Variants in CFAP54 observed in about 807,000 individuals in gnomAD.
The protein encoded by CFAP54 is cilia- and flagella-associated protein 54.
Under a neutral mutation model 370.4 loss-of-function variants are expected in CFAP54, and 290 were observed. That is an observed-to-expected ratio of 0.78 (90% CI 0.71 to 0.86). The LOEUF (loss-of-function observed/expected upper bound fraction) is 0.86, where lower values mean the gene tolerates loss of function less well. Among genes scored for constraint, CFAP54 ranks in the 40% least tolerant of loss-of-function variants. The probability of loss-of-function intolerance (pLI) is 0.00; values close to 1 mark genes in which losing one functional copy is unlikely to be tolerated. For synonymous variants in CFAP54, 1,206 were observed against 1,236.5 expected (o/e 0.98, Z 0.52); for missense variants, 3,399 against 3,528.7 (o/e 0.96, Z 0.93).
chr12:96,825,765 A>ATATATATTACATATTATGTAACATAG (rs1451057204), intron 65 of CFAP54, among the ~76,000 whole-genome samples: 7 of 128,088 alleles, frequency 5.5e-5, no homozygotes, highest in Non-Finnish European at 9.2e-5. Flanking sequence ...ATGTATCATG[A>ATATATATTACATATTATGTAACATAG]TATATATTAC....
At chr12:96,747,717 T>G (rs1042218791) in intron 55 of CFAP54, among the ~76,000 whole-genome samples, 1 of 152,166 alleles carries the variant, frequency 6.6e-6, no homozygotes, top group African/African-American at 2.4e-5. Context: ...TTGTCTGATC[T>G]TAGAAGTTAT....
chr12:96,684,413 G>C (rs1045058680), intron 40 of CFAP54, among the ~76,000 whole-genome samples: 4 of 152,032 alleles, frequency 2.6e-5, no homozygotes, highest in African/African-American at 7.3e-5. Context: ...TTATTCCCAT[G>C]ATGCCCCATT....
intron 4 of CFAP54, among the ~76,000 whole-genome samples, chr12:96,509,178 A>G (rs1955139370): frequency 6.6e-6 from 1 of 152,154 alleles, no homozygotes. Flanking sequence ...TGACGAGGCT[A>G]TGGAGAAAAG....
At chr12:96,736,557 A>G (rs1282238244) in intron 50 of CFAP54, among the ~76,000 whole-genome samples, 1 of 152,264 alleles carries the variant, frequency 6.6e-6, no homozygotes, top group Non-Finnish European at 1.5e-5. Context: ...TGCTTTTCTT[A>G]GAACAGAAGA....
At chr12:96,578,536 G>T (rs1389783431) in intron 20 of CFAP54, among the ~76,000 whole-genome samples, 1 of 152,098 alleles carries the variant, frequency 6.6e-6, no homozygotes, top group Non-Finnish European at 1.5e-5. Flanking sequence ...TATTCTGTAT[G>T]TACTTTAATT....
chr12:96,772,320 G>T lies in CFAP54; in HGVS notation c.8281+7102G>T, dbSNP rs11108692. On this transcript the variant is annotated intron_variant, in intron 60 of 67. Transcript: ENST00000524981. ...TAGGTCTTATTGGGCTAATTCAGGT[G>T]TCACCAGGGATACATTATTCTAAAA... Among the ~76,000 whole-genome samples, 18 of 152,240 alleles carry T rather than the reference G, an allele frequency of 1.2e-4. No individual in the cohort carries two copies. In the East Asian group the frequency reaches 2.9e-3, roughly 25 times the overall value.
intron 36 of CFAP54, among the ~76,000 whole-genome samples, chr12:96,655,801 G>A (rs1360136370): frequency 4.6e-5 from 7 of 151,812 alleles, no homozygotes; most frequent in African/African-American, 1.7e-4. Flanking sequence ...AATCTGTAAG[G>A]CAATAAGGGA....
At chr12:96,779,181 A>G (rs1958557020) in intron 60 of CFAP54, among the ~76,000 whole-genome samples, 1 of 151,930 alleles carries the variant, frequency 6.6e-6, no homozygotes, top group Non-Finnish European at 1.5e-5. Context: ...ACACCCATGT[A>G]ACCACCACTA....
intron 47 of CFAP54, 43 bp from the exon 48 acceptor site, chr12:96,708,564 AG>A (rs1422757585): frequency 1.5e-5 from 23 of 1,498,110 alleles, no homozygotes; most frequent in Non-Finnish European, 1.9e-5. Flanking sequence ...TATCTGAAAA[AG>A]TATTTTTCTA....
At chr12:96,858,146 T>G (rs1592815588) in intron 66 of CFAP54, among the ~76,000 whole-genome samples, 1 of 152,242 alleles carries the variant, frequency 6.6e-6, no homozygotes, top group East Asian at 1.9e-4. Context: ...TGTTCCCTTT[T>G]TCTCTGCAAC....
chr12:96,620,001 A>C (rs1006803236), intron 26 of CFAP54, among the ~76,000 whole-genome samples: 1 of 152,198 alleles, frequency 6.6e-6, no homozygotes, highest in African/African-American at 2.4e-5. Context: ...ATATAAAATA[A>C]GTAAACAAAT....
At chr12:96,799,160 A>C (rs906331050) in intron 63 of CFAP54, among the ~76,000 whole-genome samples, 2 of 152,170 alleles carry the variant, frequency 1.3e-5, no homozygotes, top group African/African-American at 4.8e-5. Flanking sequence ...CAATCCATGA[A>C]TTACTGGAGA....
At chr12:96,632,378 T>A (rs1051696538) in intron 32 of CFAP54, among the ~76,000 whole-genome samples, 8 of 152,048 alleles carry the variant, frequency 5.3e-5, no homozygotes, top group Non-Finnish European at 7.4e-5. Context: ...TTTGTAAATT[T>A]AAATTTTTGA....
intron 26 of CFAP54, among the ~76,000 whole-genome samples, chr12:96,609,671 G>A (rs190063869): frequency 6.6e-6 from 1 of 152,018 alleles, no homozygotes; most frequent in Admixed American, 6.6e-5. Flanking sequence ...ACCCCATGAC[G>A]ATCTGGTAAA....
At chr12:96,797,386 G>A (rs767879228) in intron 63 of CFAP54, among the ~76,000 whole-genome samples, 4 of 151,790 alleles carry the variant, frequency 2.6e-5, no homozygotes, top group East Asian at 1.9e-4. Flanking sequence ...TTTCCATTTC[G>A]TCTGCCTTTT....
At position 96,829,057 on chromosome 12, in the gene CFAP54, T is replaced by A. The variant is rs1335913993; in HGVS notation, c.9140T>A (p.Leu3047Ter). 8 of 1,521,978 alleles carry A rather than the reference T, an allele frequency of 5.3e-6. No individual in the cohort carries two copies. Among genetic ancestry groups the A allele is most frequent in the Non-Finnish European group, 7.0e-6 (8 of 1,135,550 alleles). 94.3% of individuals were successfully genotyped at this position (1,521,978 alleles called of 1,614,324 possible). The change falls in exon 66 of 68, where the codon TTG becomes TAG. Residue 3047 changes from leucine (L) to a stop codon, truncating the protein, a stop_gained. Transcript: ENST00000524981. LOFTEE classifies it high-confidence loss of function. ...QCCSEIASLF[L>*]NDKEPTPLSE... ...TGCTCTGAAATAGCATCTCTGTTTT[T>A]GAATGATAAAGAGCCAACACCACTA...
chr12:96,671,928 AAGAGAG>A (rs376205736), intron 39 of CFAP54, among the ~76,000 whole-genome samples: 19 of 149,996 alleles, frequency 1.3e-4, no homozygotes, highest in Non-Finnish European at 2.1e-4. Flanking sequence ...TATCTCAAAA[AAGAGAG>A]AGAGAGAGAG....
chr12:96,529,057 A>G (rs764627437), intron 9 of CFAP54, among the ~76,000 whole-genome samples: 1 of 151,942 alleles, frequency 6.6e-6, no homozygotes, highest in Non-Finnish European at 1.5e-5. Flanking sequence ...AATATGGGAG[A>G]TTTTCTAATT....
At chr12:96,765,521 C>T (rs1180181674) in intron 60 of CFAP54, among the ~76,000 whole-genome samples, 2 of 152,168 alleles carry the variant, frequency 1.3e-5, no homozygotes, top group African/African-American at 2.4e-5. Flanking sequence ...GACTGTTTGC[C>T]TCTCTGATCC....
Sources: gnomAD v4.1 joint callset for allele counts (sites outside exome capture counted in the v4.1 genomes callset) on GRCh38, gnomAD v4.1.1 for gene constraint, MANE v1.5 for transcripts, NCBI Gene and HGNC (gene_info 2026-07-23, HGNC 2026-07-21) for gene names.